Variants in GLYATL2 observed in about 807,000 individuals in gnomAD.
GLYATL2 encodes the protein glycine-N-acyltransferase like 2, also known as glycine N-acyltransferase-like protein 2.
In GLYATL2, 25 loss-of-function variants were observed where a neutral mutation model predicts 21.4. The ratio of observed to expected loss-of-function variants is 1.17; its 90% CI spans 0.85 to 1.63. GLYATL2 has a LOEUF of 1.63. Ranked by LOEUF, GLYATL2 falls within the 40% of genes most tolerant of loss-of-function variation. GLYATL2 has a pLI of 0.00. For missense variants in GLYATL2, 361 were observed against 343.3 expected (o/e 1.05, Z -0.41); for synonymous variants, 114 against 118.2 (o/e 0.96, Z 0.23).
upstream of GLYATL2, among the ~76,000 whole-genome samples, chr11:58,847,876 G>C (rs902000084): frequency 6.6e-6 from 1 of 152,112 alleles, no homozygotes; most frequent in African/African-American, 2.4e-5. Context: ...GCAGGCCTTG[G>C]TCAAGATGCA....
chr11:58,879,601 C>T (rs1373352506), intron 1 of GLYATL2, among the ~76,000 whole-genome samples: 1 of 152,066 alleles, frequency 6.6e-6, no homozygotes, highest in African/African-American at 2.4e-5. Flanking sequence ...TTATAGGATT[C>T]CATTTATATT....
intron 1 of GLYATL2, 52 bp downstream of exon 1, chr11:58,844,382 A>T (rs1853605763): frequency 6.6e-6 from 1 of 152,216 alleles, no homozygotes; most frequent in Non-Finnish European, 1.5e-5. Context: ...ACAAGAATCC[A>T]AATTAATTGA....
At chr11:58,901,190 G>T (rs1323015963) in intron 1 of GLYATL2, among the ~76,000 whole-genome samples, 7 of 152,170 alleles carry the variant, frequency 4.6e-5, no homozygotes, top group Admixed American at 4.6e-4. Flanking sequence ...AGAGACAGGC[G>T]GGGCGGTTGA....
chr11:58,858,153 C>G (rs1189253503), intron 1 of GLYATL2, among the ~76,000 whole-genome samples: 1 of 152,132 alleles, frequency 6.6e-6, no homozygotes, highest in Non-Finnish European at 1.5e-5. Flanking sequence ...CAAGTACCTT[C>G]AAGTGCAGCC....
chr11:58,878,441 C>G (rs1470806656), intron 1 of GLYATL2: 1 of 371,560 alleles, frequency 2.7e-6, no homozygotes, highest in African/African-American at 2.1e-5. Flanking sequence ...CTCTGAATTT[C>G]CTTGAGCAAA....
chr11:58,860,361 G>A (rs633089), intron 1 of GLYATL2, among the ~76,000 whole-genome samples: 134,570 of 151,734 alleles, frequency 0.89, 60,830 homozygotes, highest in Non-Finnish European at 0.98. Context: ...AAGTATTTAT[G>A]TTTTGTATCT....
intron 1 of GLYATL2, chr11:58,885,468 AC>A: frequency 2.0e-6 from 1 of 509,656 alleles, no homozygotes; most frequent in South Asian, 1.4e-5. Flanking sequence ...AATCATAGGA[AC>A]CCCTTCAACA....
At chr11:58,841,318 C>T (rs970037577) in intron 1 of GLYATL2, among the ~76,000 whole-genome samples, 1 of 152,228 alleles carries the variant, frequency 6.6e-6, no homozygotes, top group Admixed American at 6.5e-5. Flanking sequence ...AACTCCACCC[C>T]TGGCTCCTCC....
intron 1 of GLYATL2, among the ~76,000 whole-genome samples, chr11:58,855,155 A>T (rs1853806770): frequency 6.6e-6 from 1 of 152,242 alleles, no homozygotes; most frequent in African/African-American, 2.4e-5. Context: ...AATCCTTCCA[A>T]GAGATTTTCA....
upstream of GLYATL2, among the ~76,000 whole-genome samples, chr11:58,849,412 A>G (rs1213992331): frequency 6.6e-6 from 1 of 152,090 alleles, no homozygotes; most frequent in Non-Finnish European, 1.5e-5. Flanking sequence ...GAGCCACCAC[A>G]CCTGGCCTAT....
intron 3 of GLYATL2, 69 bp from the exon 4 acceptor site, chr11:58,837,466 G>A: frequency 2.9e-6 from 4 of 1,380,940 alleles, no homozygotes; most frequent in Non-Finnish European, 4.1e-6. Context: ...CATAGGTCTA[G>A]AGTGCTAGAG....
chr11:58,884,038 C>T (rs1043492756), intron 1 of GLYATL2, among the ~76,000 whole-genome samples: 1 of 152,172 alleles, frequency 6.6e-6, no homozygotes, highest in Non-Finnish European at 1.5e-5. Context: ...TAAAAACTCT[C>T]AATAAACTAG....
intron 1 of GLYATL2, among the ~76,000 whole-genome samples, chr11:58,871,500 T>A (rs1245634729): frequency 2.0e-5 from 3 of 147,540 alleles, no homozygotes; most frequent in African/African-American, 7.5e-5. Flanking sequence ...GTTCTCATTG[T>A]TCAATTCCCA....
intron 1 of GLYATL2, among the ~76,000 whole-genome samples, chr11:58,890,539 G>C (rs1294604223): frequency 6.6e-6 from 1 of 152,086 alleles, no homozygotes; most frequent in Non-Finnish European, 1.5e-5. Flanking sequence ...GGATGGAGCA[G>C]GAGGCCATAA....
intron 1 of GLYATL2, among the ~76,000 whole-genome samples, chr11:58,868,687 G>T (rs141689165): frequency 4.0e-5 from 6 of 149,160 alleles, no homozygotes; most frequent in African/African-American, 1.5e-4. Flanking sequence ...GAGTCTCAAA[G>T]CCCTCCTAAG....
intron 1 of GLYATL2, among the ~76,000 whole-genome samples, chr11:58,870,341 A>C (rs1854096107): frequency 6.6e-6 from 1 of 152,172 alleles, no homozygotes; most frequent in African/African-American, 2.4e-5. Flanking sequence ...AAAGAGATGG[A>C]GGTCAGGGAT....
intron 1 of GLYATL2, among the ~76,000 whole-genome samples, chr11:58,881,016 TTAAC>T (rs1447380254): frequency 2.6e-5 from 4 of 152,240 alleles, no homozygotes; most frequent in Non-Finnish European, 5.9e-5. Flanking sequence ...TTCTCTTACA[TTAAC>T]TAAGTTTGTT....
At chr11:58,885,746 G>A (rs2134616928) in intron 1 of GLYATL2, among the ~76,000 whole-genome samples, 1 of 152,322 alleles carries the variant, frequency 6.6e-6, no homozygotes, top group East Asian at 1.9e-4. Context: ...AAAAGGGGTG[G>A]AGGGGGAAGG....
rs114634150 is a variant in GLYATL2 at position 58,890,399 on chromosome 11, G to T, written n.60+13757C>A. Among the ~76,000 whole-genome samples the T allele has an allele frequency of 6.9e-3, 1,054 of 152,048 alleles. 25 individuals are homozygous for T. The highest frequency in any genetic ancestry group is 0.024 in the African/African-American group (997 of 41,486). ...GTTCATTGCTGCACTGTTCACAATA[G>T]GAAAGAAATGAAATCAACCGAGGTG... is the stretch of plus-strand genomic sequence containing the variant. On this transcript the variant is annotated intron_variant and non_coding_transcript_variant, in intron 1 of 4. Transcript: ENST00000533636.
Sources: allele counts gnomAD v4.1 joint callset (sites outside exome capture counted in the v4.1 genomes callset), GRCh38; gene constraint gnomAD v4.1.1; transcripts MANE v1.5; gene names NCBI Gene and HGNC (gene_info 2026-07-23, HGNC 2026-07-21).